HACD3: variants seen among roughly 807,000 people sequenced by gnomAD.
The protein encoded by HACD3 is 3-hydroxyacyl-CoA dehydratase 3.
A neutral mutation model predicts 55.2 loss-of-function variants in HACD3; 30 were observed. That is an observed-to-expected ratio of 0.54 (90% confidence interval 0.41 to 0.74). The LOEUF (loss-of-function observed/expected upper bound fraction) is 0.74. HACD3 is among the 30% of genes least tolerant of loss of function. The pLI is 0.00. For synonymous variants in HACD3, 141 were observed against 151.7 expected (o/e 0.93, Z 0.52); for missense variants, 363 against 440.1 (o/e 0.82, Z 1.57).
intron 5 of HACD3, among the ~76,000 whole-genome samples, chr15:65,562,483 T>C (rs1252441118): frequency 6.6e-6 from 1 of 152,200 alleles, no homozygotes; most frequent in Non-Finnish European, 1.5e-5. Context: ...TATCATAATA[T>C]CACACCAGGG....
intron 7 of HACD3, among the ~76,000 whole-genome samples, chr15:65,567,967 A>T (rs1185213613): frequency 6.6e-6 from 1 of 151,266 alleles, no homozygotes; most frequent in Non-Finnish European, 1.5e-5. Flanking sequence ...CTGTCGCCCA[A>T]GCTGGAGTGC....
intron 1 of HACD3, chr15:65,535,772 C>T (rs1026485503): frequency 3.2e-5 from 21 of 654,128 alleles, no homozygotes; most frequent in Non-Finnish European, 2.5e-5. Flanking sequence ...CATAGCTCAC[C>T]GTAGCCTTGA....
At chr15:65,556,517 C>T (rs146805443) in intron 3 of HACD3, among the ~76,000 whole-genome samples, 2 of 152,296 alleles carry the variant, frequency 1.3e-5, no homozygotes, top group Admixed American at 1.3e-4. Context: ...CACTCAGCTC[C>T]TCCTGTGTGG....
At chr15:65,538,295 A>G (rs975611899) in intron 1 of HACD3, among the ~76,000 whole-genome samples, 3 of 152,322 alleles carry the variant, frequency 2.0e-5, no homozygotes, top group East Asian at 1.9e-4. Flanking sequence ...TTTGTGATTC[A>G]TAGGAAGAGG....
chr15:65,538,760 A>C (rs1056017569), intron 1 of HACD3, among the ~76,000 whole-genome samples: 1 of 152,238 alleles, frequency 6.6e-6, no homozygotes, highest in African/African-American at 2.4e-5. Context: ...GACAAACTTC[A>C]TTGTTGTCCT....
intron 1 of HACD3, among the ~76,000 whole-genome samples, chr15:65,547,613 G>A (rs1453257352): frequency 6.6e-6 from 1 of 152,256 alleles, no homozygotes; most frequent in African/African-American, 2.4e-5. Context: ...CCAGCCAAAG[G>A]CTGATCTTGG....
intron 2 of HACD3, among the ~76,000 whole-genome samples, chr15:65,552,430 G>T (rs1183831390): frequency 6.6e-6 from 1 of 152,144 alleles, no homozygotes; most frequent in African/African-American, 2.4e-5. Context: ...CCGCCTCCTG[G>T]GTTCAAGTGA....
At chr15:65,553,344 C>G (rs1481515144) in intron 2 of HACD3, among the ~76,000 whole-genome samples, 2 of 151,822 alleles carry the variant, frequency 1.3e-5, no homozygotes, top group African/African-American at 4.8e-5. Context: ...TGTCTCAGGC[C>G]TTTTCAGCTC....
At chr15:65,532,188 G>A (rs906197443) in intron 1 of HACD3, among the ~76,000 whole-genome samples, 25 of 152,022 alleles carry the variant, frequency 1.6e-4, no homozygotes, top group Non-Finnish European at 2.9e-5. Context: ...TATACTTTTG[G>A]GTCAGAGTAT....
Position 65,571,569 on chromosome 15 carries a change from G to A in HACD3, c.795G>A (p.Thr265=), listed in dbSNP as rs548784408. ...EIFRYSFYML[T]CIDMDWKVLT... is the part of the protein sequence containing the mutation. The stretch of plus-strand genomic sequence containing the variant: ...ATAGGTACTCTTTCTACATGCTGAC[G>A]TGCATTGACATGGATTGGAAGGTGC... The change falls in exon 9 of 11, where the codon ACG becomes ACA. Residue 265 remains threonine (T), a synonymous_variant. Coordinates refer to ENST00000261875, the MANE Select transcript of HACD3 (RefSeq NM_016395.4). 83 of 1,613,394 alleles carry A rather than the reference G, an allele frequency of 5.1e-5. No homozygotes were observed. In the South Asian group the frequency reaches 6.8e-4, roughly 13 times the overall value.
At chr15:65,560,766 G>A (rs932090823) in intron 5 of HACD3, among the ~76,000 whole-genome samples, 1 of 146,598 alleles carries the variant, frequency 6.8e-6, no homozygotes, top group Non-Finnish European at 1.5e-5. Context: ...TCCCACCACT[G>A]CATTCTAACC....
intron 1 of HACD3, among the ~76,000 whole-genome samples, chr15:65,540,964 G>C (rs2072013817): frequency 6.6e-6 from 1 of 152,126 alleles, no homozygotes; most frequent in African/African-American, 2.4e-5. Flanking sequence ...TTGAGGCCTT[G>C]ATGGACTCGT....
intron 1 of HACD3, 129 bp from the exon 2 acceptor site, chr15:65,551,547 T>G (rs1381776537): frequency 3.0e-6 from 3 of 984,956 alleles, no homozygotes; most frequent in African/African-American, 1.6e-5. Flanking sequence ...CTAAATATAT[T>G]TCTGGGGGAG....
chr15:65,534,387 A>C (rs1431770822), intron 1 of HACD3: 2 of 152,146 alleles, frequency 1.3e-5, no homozygotes, highest in Non-Finnish European at 2.9e-5. Context: ...ATGTGAGGAG[A>C]AATGGTGGAC....
At chr15:65,552,987 C>G (rs1318235720) in intron 2 of HACD3, 1 of 151,860 alleles carries the variant, frequency 6.6e-6, no homozygotes, top group Non-Finnish European at 1.5e-5. Flanking sequence ...ATGATGATTT[C>G]CAATTTCATC....
intron 1 of HACD3, chr15:65,531,479 C>T (rs1361366507): frequency 6.6e-6 from 1 of 152,224 alleles, no homozygotes; most frequent in African/African-American, 2.4e-5. Flanking sequence ...TGTGTATCCT[C>T]ATGTCTCTGT....
At position 65,554,980 on chromosome 15, in the gene HACD3, ACTTCC is replaced by A; in HGVS notation, c.204+27_204+31del. 6.4e-7 allele frequency: 1 copy of A among 1,560,562 alleles called. No homozygotes were observed. Among genetic ancestry groups the A allele is most frequent in the Non-Finnish European group, 8.8e-7 (1 of 1,132,292 alleles). ...CCAGAGGTATGTTCTTTCCTTTCTCACTTCCCTTCCCATTTTAGGAAATGAATACC... is the reference window on the plus strand; with the variant it reads ...CCAGAGGTATGTTCTTTCCTTTCTCACTTCCCATTTTAGGAAATGAATACC... On this transcript the variant is annotated intron_variant, in intron 3 of 10. Coordinates refer to ENST00000261875, the MANE Select transcript of HACD3 (RefSeq NM_016395.4).
chr15:65,559,237 T>C (rs1471559975), intron 5 of HACD3, among the ~76,000 whole-genome samples: 1 of 152,146 alleles, frequency 6.6e-6, no homozygotes, highest in Non-Finnish European at 1.5e-5. Context: ...GCTCTGTAAG[T>C]GTATTATCTT....
intron 1 of HACD3, among the ~76,000 whole-genome samples, chr15:65,549,293 TA>T (rs2072107706): frequency 6.6e-6 from 1 of 151,660 alleles, no homozygotes; most frequent in South Asian, 2.1e-4. Context: ...GCAATAGAAG[TA>T]AGGTCAAACC....
Sources: gnomAD v4.1 joint callset for allele counts (sites outside exome capture counted in the v4.1 genomes callset) on GRCh38, gnomAD v4.1.1 for gene constraint, MANE v1.5 for transcripts, NCBI Gene and HGNC (gene_info 2026-07-23, HGNC 2026-07-21) for gene names.